Variants in RYR3 observed in about 807,000 individuals in gnomAD.
The protein encoded by RYR3 is ryanodine receptor 3, also known as brain ryanodine receptor-calcium release channel.
In RYR3, 207 loss-of-function variants were observed where a neutral mutation model predicts 584.3. The ratio of observed to expected loss-of-function variants is 0.35; its 90% CI spans 0.32 to 0.40. The LOEUF (loss-of-function observed/expected upper bound fraction) is 0.40. Among genes scored for constraint, RYR3 ranks in the 10% least tolerant of loss-of-function variants. The pLI, the probability that RYR3 is intolerant of heterozygous loss-of-function variation, is 1.00. For synonymous variants in RYR3, 2,416 were observed against 2,248.5 expected (o/e 1.07, Z -2.11); for missense variants, 5,616 against 6,089.2 (o/e 0.92, Z 2.59).
chr15:33,484,759 G>C (rs1428487351), intron 2 of RYR3, among the ~76,000 whole-genome samples: 2 of 152,074 alleles, frequency 1.3e-5, no homozygotes, highest in African/African-American at 4.8e-5. Flanking sequence ...TTGGAGGAGG[G>C]ATAAAGGAAG....
intron 1 of RYR3, among the ~76,000 whole-genome samples, chr15:33,419,430 A>C (rs1003901776): frequency 6.6e-6 from 1 of 152,110 alleles, no homozygotes; most frequent in Non-Finnish European, 1.5e-5. Context: ...GCCAGGAAGT[A>C]ATCAGTCAGA....
At chr15:33,404,129 T>G (rs12438833) in intron 1 of RYR3, among the ~76,000 whole-genome samples, 67,707 of 151,654 alleles carry the variant, frequency 0.45, 16,485 homozygotes, top group South Asian at 0.62. Context: ...ACATCTGGAG[T>G]GGTGCCTTTT....
At chr15:33,572,864 C>T (rs1219251195) in intron 12 of RYR3, among the ~76,000 whole-genome samples, 1 of 152,084 alleles carries the variant, frequency 6.6e-6, no homozygotes, top group African/African-American at 2.4e-5. Context: ...ATGCCAGCTA[C>T]TGAGGAGGCT....
intron 3 of RYR3, among the ~76,000 whole-genome samples, chr15:33,527,095 A>T (rs935245307): frequency 6.6e-6 from 1 of 152,130 alleles, no homozygotes; most frequent in African/African-American, 2.4e-5. Flanking sequence ...TGCTGCTGGC[A>T]GGTGAAGTTA....
intron 10 of RYR3, among the ~76,000 whole-genome samples, chr15:33,555,623 A>G (rs926604969): frequency 3.3e-5 from 5 of 152,072 alleles, no homozygotes; most frequent in African/African-American, 9.7e-5. Flanking sequence ...TAGAGATTTA[A>G]AAAAAAGTAT....
At chr15:33,484,330 A>G (rs1289687573) in intron 2 of RYR3, among the ~76,000 whole-genome samples, 1 of 152,150 alleles carries the variant, frequency 6.6e-6, no homozygotes. Context: ...GTTCCAAAAG[A>G]TAGAACTATA....
At chr15:33,400,422 C>T (rs895485533) in intron 1 of RYR3, among the ~76,000 whole-genome samples, 6 of 152,160 alleles carry the variant, frequency 3.9e-5, no homozygotes, top group African/African-American at 9.7e-5. Context: ...CTTTAAAGCC[C>T]GTTCCTACTG....
intron 10 of RYR3, among the ~76,000 whole-genome samples, chr15:33,562,328 C>T (rs75697407): frequency 0.022 from 3,415 of 152,308 alleles, 52 homozygotes; most frequent in Non-Finnish European, 0.036. Flanking sequence ...ACGGTATTAA[C>T]CCCTGCGTAT....
chr15:33,690,998 C>T (rs2065386351), intron 38 of RYR3, among the ~76,000 whole-genome samples: 1 of 152,056 alleles, frequency 6.6e-6, no homozygotes, highest in Non-Finnish European at 1.5e-5. Context: ...ATTCTTATAT[C>T]TGGTTAAAGA....
chr15:33,764,575 A>AT (rs2072835193), intron 60 of RYR3, among the ~76,000 whole-genome samples: 2 of 142,538 alleles, frequency 1.4e-5, no homozygotes, highest in African/African-American at 5.2e-5. Context: ...TTAAACCATA[A>AT]TTAAAAAAAA....
intron 13 of RYR3, among the ~76,000 whole-genome samples, chr15:33,580,622 G>C (rs1026722464): frequency 6.6e-6 from 1 of 152,180 alleles, no homozygotes; most frequent in Non-Finnish European, 1.5e-5. Context: ...GAAAATATCA[G>C]CTTGGGGCTT....
At chr15:33,668,815 A>G (rs968332489) in intron 36 of RYR3, among the ~76,000 whole-genome samples, 2 of 152,216 alleles carry the variant, frequency 1.3e-5, no homozygotes, top group African/African-American at 4.8e-5. Flanking sequence ...TAAGAAAATA[A>G]TCAGAGACAT....
At position 33,577,637 on chromosome 15, in the gene RYR3, C is replaced by G. The variant is rs181558624; in HGVS notation, c.1269-2339C>G. On this transcript the variant is annotated intron_variant, in intron 12 of 103. Coordinates refer to ENST00000634891, the MANE Select transcript of RYR3 (RefSeq NM_001036.6). ...TTAACTCAAGATGGATTAAAGACTT[C>G]AATGTAAGACCCAAAACTATAAAAA... Among the ~76,000 whole-genome samples, 296 of 152,058 alleles carry G rather than the reference C, an allele frequency of 1.9e-3. 1 individual carries two copies. Among genetic ancestry groups the G allele is most frequent in the Middle Eastern group, 6.8e-3 (2 of 294 alleles).
At chr15:33,354,238 C>T (rs1253856092) in intron 1 of RYR3, among the ~76,000 whole-genome samples, 1 of 152,198 alleles carries the variant, frequency 6.6e-6, no homozygotes. Context: ...CTCTCTGCAG[C>T]ATCTACCAAG....
chr15:33,811,222 A>G (rs570148723), intron 72 of RYR3, among the ~76,000 whole-genome samples, 185 bp downstream of exon 72: 18 of 152,220 alleles, frequency 1.2e-4, no homozygotes, highest in African/African-American at 3.9e-4. Context: ...TTACTGGTAC[A>G]TGGCTGGGCG....
intron 16 of RYR3, among the ~76,000 whole-genome samples, chr15:33,589,624 A>C (rs915521626): frequency 5.9e-5 from 9 of 152,064 alleles, no homozygotes; most frequent in African/African-American, 2.2e-4. Flanking sequence ...CTATATCTTG[A>C]GTTGATTTTT....
At chr15:33,544,164 G>GAGAA (rs1567496939) in intron 8 of RYR3, among the ~76,000 whole-genome samples, 2 of 152,116 alleles carry the variant, frequency 1.3e-5, no homozygotes, top group Non-Finnish European at 2.9e-5. Context: ...TGCCAAGGAC[G>GAGAA]ATGTGTTCTT....
chr15:33,763,541 C>T (rs2072698678), intron 60 of RYR3, among the ~76,000 whole-genome samples: 1 of 152,058 alleles, frequency 6.6e-6, no homozygotes, highest in Non-Finnish European at 1.5e-5. Context: ...TCATTAGAGA[C>T]ATGCAAATCA....
intron 1 of RYR3, among the ~76,000 whole-genome samples, chr15:33,379,321 C>T (rs1271120193): frequency 2.0e-5 from 3 of 152,058 alleles, no homozygotes; most frequent in Non-Finnish European, 4.4e-5. Flanking sequence ...GGTCATGTGG[C>T]TATTTCTCAT....
Sources: allele counts gnomAD v4.1 joint callset (sites outside exome capture counted in the v4.1 genomes callset), GRCh38; gene constraint gnomAD v4.1.1; transcripts MANE v1.5; gene names NCBI Gene and HGNC (gene_info 2026-07-23, HGNC 2026-07-21).